DTWD2: variants seen among roughly 807,000 people sequenced by gnomAD.
The protein encoded by DTWD2 is tRNA-uridine aminocarboxypropyltransferase 2.
In DTWD2, 39 loss-of-function variants were observed where a neutral mutation model predicts 31.8. The ratio of observed to expected loss-of-function variants is 1.22; its 90% CI spans 0.95 to 1.60. The LOEUF is 1.60. DTWD2 is among the 40% of genes most tolerant of loss of function. The probability of loss-of-function intolerance (pLI) is 0.00; values close to 1 mark genes in which losing one functional copy is unlikely to be tolerated. For missense variants in DTWD2, 515 were observed against 381.5 expected (o/e 1.35, Z -2.92); for synonymous variants, 180 against 142.8 (o/e 1.26, Z -1.86).
At chr5:118,859,267 G>C (rs536468520) in intron 4 of DTWD2, among the ~76,000 whole-genome samples, 1 of 150,740 alleles carries the variant, frequency 6.6e-6, no homozygotes, top group East Asian at 1.9e-4. Context: ...CTGTAGAAAA[G>C]GCAGGATAAA....
In DTWD2 at chr5:118,941,351, G is replaced by A. The variant is rs571945372; in HGVS notation, c.310-2061C>T. The stretch of plus-strand genomic sequence containing the variant: ...CACCCCTCACCCTACAACAGGCCCC[G>A]GTGTGTGATGTTCCCCTTCCTGTGT... On this transcript the variant is annotated intron_variant, in intron 2 of 5. Coordinates refer to ENST00000510708, the MANE Select transcript of DTWD2 (RefSeq NM_173666.4). Among the ~76,000 whole-genome samples the A allele has an allele frequency of 8.2e-4, 124 of 152,078 alleles. 3 individuals are homozygous for A. The Middle Eastern group carries it at 0.01, about 13-fold the overall frequency.
intron 4 of DTWD2, among the ~76,000 whole-genome samples, chr5:118,900,619 T>C (rs919164258): frequency 8.6e-5 from 13 of 151,826 alleles, no homozygotes; most frequent in African/African-American, 2.9e-4. Context: ...CTAAAACCAG[T>C]GATGAAAAAA....
At chr5:118,906,836 G>GT (rs1753345113) in intron 4 of DTWD2, among the ~76,000 whole-genome samples, 1 of 152,162 alleles carries the variant, frequency 6.6e-6, no homozygotes, top group Non-Finnish European at 1.5e-5. Flanking sequence ...AACATGTGCA[G>GT]TTTATTGCAT....
At chr5:118,948,661 G>A (rs1019119843) in intron 1 of DTWD2, among the ~76,000 whole-genome samples, 3 of 152,142 alleles carry the variant, frequency 2.0e-5, no homozygotes, top group African/African-American at 7.2e-5. Flanking sequence ...GGACAGAAAG[G>A]CTACAGGGCA....
In DTWD2 at chr5:118,848,076, T is replaced by C; in HGVS notation, c.726+14A>G. ...ACTCCCACTTTGAAAAACTATAACC[T>C]TACAAAGACGTACCTCTTGTATGTA... On this transcript the variant is annotated intron_variant, in intron 5 of 5. Transcript: ENST00000510708. 6.5e-7 allele frequency: 1 copy of C among 1,529,630 alleles called. No homozygotes were observed. Among genetic ancestry groups the C allele is most frequent in the Non-Finnish European group, 8.7e-7 (1 of 1,144,692 alleles). 94.8% of individuals were successfully genotyped at this position (1,529,630 alleles called of 1,614,324 possible).
chr5:118,951,372 G>A (rs1288809518), intron 1 of DTWD2, among the ~76,000 whole-genome samples: 1 of 152,136 alleles, frequency 6.6e-6, no homozygotes, highest in South Asian at 2.1e-4. Flanking sequence ...AGCTTGGGGT[G>A]GAGACTGAAG....
At chr5:118,982,285 C>T (rs781045044) in intron 1 of DTWD2, among the ~76,000 whole-genome samples, 36 of 152,228 alleles carry the variant, frequency 2.4e-4, no homozygotes, top group Non-Finnish European at 4.3e-4. Context: ...TTCTACCTAT[C>T]GGAGGGTAAA....
intron 1 of DTWD2, among the ~76,000 whole-genome samples, chr5:118,981,349 G>A (rs1334406777): frequency 1.3e-5 from 2 of 151,968 alleles, no homozygotes; most frequent in Admixed American, 6.6e-5. Flanking sequence ...TAAATATTAC[G>A]TTATGCAAAT....
In DTWD2 at chr5:118,967,020, A is replaced by G. The variant is rs1008120714; in HGVS notation, c.218+21274T>C. On this transcript the variant is annotated intron_variant, in intron 1 of 5. Transcript: ENST00000510708. ...CACTCCAGCAGAGCAACAGAGGGGG[A>G]CTCCATCTCAAAAAAAAAAAAAGAC... Among the ~76,000 whole-genome samples, 3 of 147,210 alleles carry G rather than the reference A, an allele frequency of 2.0e-5. No homozygotes were observed. In the Admixed American group the frequency reaches 2.1e-4, roughly 10 times the overall value.
intron 1 of DTWD2, among the ~76,000 whole-genome samples, chr5:118,969,278 T>C (rs1754926498): frequency 1.3e-5 from 2 of 152,132 alleles, no homozygotes; most frequent in African/African-American, 4.8e-5. Flanking sequence ...CCAGGCAGTC[T>C]GTACAAGGAG....
intron 4 of DTWD2, among the ~76,000 whole-genome samples, chr5:118,926,522 C>G (rs1031249137): frequency 6.6e-6 from 1 of 151,928 alleles, no homozygotes; most frequent in African/African-American, 2.4e-5. Context: ...ACCACTTGTA[C>G]CCCAAAAGCT....
At chr5:118,947,553 C>T (rs1426678678) in intron 1 of DTWD2, among the ~76,000 whole-genome samples, 1 of 152,146 alleles carries the variant, frequency 6.6e-6, no homozygotes, top group Non-Finnish European at 1.5e-5. Context: ...TCCTCCTCTC[C>T]CCTTCTCTTC....
intron 3 of DTWD2, among the ~76,000 whole-genome samples, chr5:118,934,774 C>T (rs1754000229): frequency 6.6e-6 from 1 of 152,136 alleles, no homozygotes; most frequent in Non-Finnish European, 1.5e-5. Context: ...CCCAATTAAA[C>T]AACAGAGATT....
At chr5:118,890,561 CCT>C (rs1752956461) in intron 4 of DTWD2, among the ~76,000 whole-genome samples, 1 of 116,252 alleles carries the variant, frequency 8.6e-6, no homozygotes, top group African/African-American at 3.5e-5. Context: ...TTTAGGTTTT[CCT>C]TTTTTTTTTT....
intron 4 of DTWD2, among the ~76,000 whole-genome samples, chr5:118,869,709 T>G (rs1012303227): frequency 6.6e-6 from 1 of 152,224 alleles, no homozygotes; most frequent in African/African-American, 2.4e-5. Context: ...TCCAATATGT[T>G]AACATAGCCT....
chr5:118,972,671 A>G (rs1755014596), intron 1 of DTWD2, among the ~76,000 whole-genome samples: 1 of 152,178 alleles, frequency 6.6e-6, no homozygotes, highest in Admixed American at 6.5e-5. Flanking sequence ...AGATACAAAA[A>G]CATAAAAAAT....
chr5:118,960,062 G>A (rs1276112201), intron 1 of DTWD2, among the ~76,000 whole-genome samples: 4 of 152,132 alleles, frequency 2.6e-5, no homozygotes, highest in African/African-American at 9.7e-5. Context: ...GATGCTAAAA[G>A]CAACTGCAAC....
At chr5:118,945,278 G>C (rs1754305611) in intron 1 of DTWD2, among the ~76,000 whole-genome samples, 1 of 151,912 alleles carries the variant, frequency 6.6e-6, no homozygotes, top group South Asian at 2.1e-4. Context: ...CTACTGTTTA[G>C]GTAACTCTTA....
chr5:118,850,106 G>C (rs1348030898), intron 4 of DTWD2, among the ~76,000 whole-genome samples: 1 of 151,742 alleles, frequency 6.6e-6, no homozygotes, highest in Non-Finnish European at 1.5e-5. Flanking sequence ...ATGGTGCTGG[G>C]ATAACTGGTT....
Sources: gnomAD v4.1 joint callset for allele counts (sites outside exome capture counted in the v4.1 genomes callset) on GRCh38, gnomAD v4.1.1 for gene constraint, MANE v1.5 for transcripts, NCBI Gene and HGNC (gene_info 2026-07-23, HGNC 2026-07-21) for gene names.